CLMN: variants seen among roughly 807,000 people sequenced by gnomAD.
CLMN encodes calmin (calponin-like, transmembrane).
CLMN carries 57 observed loss-of-function variants against 92.7 expected under a neutral mutation model. That is an observed-to-expected ratio of 0.61 (90% CI 0.50 to 0.77). The LOEUF (loss-of-function observed/expected upper bound fraction) is 0.77. Ranked by LOEUF, CLMN falls within the 30% of genes least tolerant of loss-of-function variation. CLMN has a pLI of 0.00. For missense variants in CLMN, 1,158 were observed against 1,237.5 expected (o/e 0.94, Z 0.96); for synonymous variants, 466 against 470.6 (o/e 0.99, Z 0.13).
chr14:95,301,910 A>G (rs912920153), intron 1 of CLMN, among the ~76,000 whole-genome samples: 3 of 152,238 alleles, frequency 2.0e-5, no homozygotes, highest in Admixed American at 1.3e-4. Context: ...GAGTGCAGAC[A>G]CCAAGTCTGA....
At chr14:95,224,013 CT>C (rs1318999460) in intron 2 of CLMN, among the ~76,000 whole-genome samples, 158 bp from the exon 3 acceptor site, 4 of 152,222 alleles carry the variant, frequency 2.6e-5, no homozygotes, top group African/African-American at 7.2e-5. Context: ...GCCCATCCCC[CT>C]GGAAGTGATA....
intron 1 of CLMN, among the ~76,000 whole-genome samples, chr14:95,291,749 A>G (rs1900575550): frequency 6.6e-6 from 1 of 152,220 alleles, no homozygotes; most frequent in African/African-American, 2.4e-5. Flanking sequence ...TGAACGTGCA[A>G]GGAGGTTCAG....
intron 1 of CLMN, among the ~76,000 whole-genome samples, chr14:95,268,373 T>C (rs1400806487): frequency 1.4e-5 from 2 of 142,766 alleles, no homozygotes; most frequent in Non-Finnish European, 3.0e-5. Flanking sequence ...AATTATGCTA[T>C]GTAAAAAAAA....
rs935106781 is a variant in CLMN at position 95,203,274 on chromosome 14, C to CT, written c.2074dup (p.Ser692LysfsTer42). On this transcript the variant is annotated frameshift_variant, in exon 9 of 13. Transcript: ENST00000298912. LOFTEE classifies it high-confidence loss of function. Reference sequence around the variant, plus strand: ...AAGGGTCTCCAAGCTGACACAGCTGCTTGGGGGGCTGGAAGATAATTCCTC... The same window carrying CT: ...AAGGGTCTCCAAGCTGACACAGCTGCTTTGGGGGGCTGGAAGATAATTCCTC... 4 of 1,613,902 alleles carry CT rather than the reference C, an allele frequency of 2.5e-6. No homozygotes were observed. The highest frequency in any genetic ancestry group is 2.7e-5 in the African/African-American group (2 of 74,916).
chr14:95,229,862 A>G (rs1423531194), intron 2 of CLMN, among the ~76,000 whole-genome samples: 2 of 152,066 alleles, frequency 1.3e-5, no homozygotes, highest in East Asian at 3.9e-4. Context: ...TCCCCTGATA[A>G]GAATGATGAC....
rs776615537 is a variant in CLMN, at chr14:95,209,434, G to A, written c.846C>T (p.Tyr282=). Residue 282 remains tyrosine (Y), a synonymous_variant, in exon 8 of 13, where the codon TAC becomes TAT. Transcript: ENST00000298912. ...DTPDEQSIMT[Y]VAQFLERFPE... is the part of the protein sequence containing the mutation. ...GAAAACGTTCTAGAAACTGTGCCACGTAAGTCATGATAGACTGCTCGTCTG... is the reference window on the plus strand; with the variant it reads ...GAAAACGTTCTAGAAACTGTGCCACATAAGTCATGATAGACTGCTCGTCTG... 25 of 1,614,156 alleles carry A rather than the reference G, an allele frequency of 1.5e-5. No individual in the cohort carries two copies. Among genetic ancestry groups the A allele is most frequent in the Non-Finnish European group, 2.1e-5 (25 of 1,179,992 alleles).
chr14:95,214,344 CTTTTTTT>C (rs140176893), intron 5 of CLMN, among the ~76,000 whole-genome samples: 1 of 109,302 alleles, frequency 9.1e-6, no homozygotes. Context: ...GCTGCTGCTG[CTTTTTTT>C]TTTTTTTTTT....
intron 1 of CLMN, among the ~76,000 whole-genome samples, chr14:95,233,676 G>T (rs1243244655): frequency 2.6e-5 from 4 of 152,222 alleles, no homozygotes; most frequent in Admixed American, 6.5e-5. Flanking sequence ...GCTGAAGGCT[G>T]ACAGGAACTG....
chr14:95,270,333 G>T (rs984213240), intron 1 of CLMN, among the ~76,000 whole-genome samples: 4 of 152,042 alleles, frequency 2.6e-5, no homozygotes, highest in African/African-American at 9.7e-5. Flanking sequence ...AAAGCCCATA[G>T]CTCAGTGGTA....
intron 9 of CLMN, among the ~76,000 whole-genome samples, chr14:95,197,741 T>C (rs1365049372): frequency 1.3e-5 from 2 of 152,154 alleles, no homozygotes; most frequent in African/African-American, 4.8e-5. Context: ...AGCACGGTCA[T>C]TGTTGGAGCC....
In CLMN at chr14:95,294,890, C is replaced by G. The variant is rs549008814; in HGVS notation, c.82+24821G>C. 6.6e-6 allele frequency among the ~76,000 whole-genome samples: 1 copy of G among 152,358 alleles called. No homozygotes were observed. Among genetic ancestry groups the G allele is most frequent in the East Asian group, 1.9e-4 (1 of 5,184 alleles). On this transcript the variant is annotated intron_variant, in intron 1 of 12. Transcript: ENST00000298912. The surrounding 1 kb of genome is among the most constrained non-coding windows in gnomAD (Gnocchi z 4.2). The stretch of plus-strand genomic sequence containing the variant: ...TTAGCTGTGGTTTTGGCCAGGGCTG[C>G]ATTCTTCCACCTGGGCCCCCAGCTC...
intron 12 of CLMN, chr14:95,193,486 G>T: frequency 1.0e-6 from 1 of 972,048 alleles, no homozygotes; most frequent in Non-Finnish European, 1.5e-6. Flanking sequence ...AGCCTCACAA[G>T]ACCACCACCT....
intron 1 of CLMN, among the ~76,000 whole-genome samples, chr14:95,275,541 C>T (rs536714095): frequency 6.6e-6 from 1 of 152,332 alleles, no homozygotes; most frequent in Admixed American, 6.5e-5. Context: ...AAACTGCCCA[C>T]CCTTTCCTGA....
At chr14:95,297,381 T>A (rs965640226) in intron 1 of CLMN, among the ~76,000 whole-genome samples, 12 of 152,216 alleles carry the variant, frequency 7.9e-5, no homozygotes, top group African/African-American at 2.9e-4. Context: ...CTAATTTACA[T>A]ACATTTCAGC....
At chr14:95,271,842 G>A (rs1413636404) in intron 1 of CLMN, among the ~76,000 whole-genome samples, 1 of 152,204 alleles carries the variant, frequency 6.6e-6, no homozygotes, top group Non-Finnish European at 1.5e-5. Flanking sequence ...CCAAAGGTAT[G>A]CACTATCTTG....
At chr14:95,210,203 C>G (rs1398060436) in intron 7 of CLMN, among the ~76,000 whole-genome samples, 2 of 152,142 alleles carry the variant, frequency 1.3e-5, no homozygotes, top group African/African-American at 2.4e-5. Context: ...CAGACTGCGC[C>G]ACCACGCCCA....
At chr14:95,279,652 G>A (rs1420699601) in intron 1 of CLMN, among the ~76,000 whole-genome samples, 1 of 152,314 alleles carries the variant, frequency 6.6e-6, no homozygotes, top group African/African-American at 2.4e-5. Flanking sequence ...ACGTGGTGGC[G>A]GGCACCTGTG....
At chr14:95,263,993 C>T (rs1275766288) in intron 1 of CLMN, among the ~76,000 whole-genome samples, 1 of 151,696 alleles carries the variant, frequency 6.6e-6, no homozygotes, top group Non-Finnish European at 1.5e-5. Flanking sequence ...TACCTTATTA[C>T]TTTGCACCTT....
intron 1 of CLMN, among the ~76,000 whole-genome samples, chr14:95,245,265 A>T (rs1331094742): frequency 2.2e-5 from 1 of 45,370 alleles, no homozygotes; most frequent in Non-Finnish European, 3.5e-5. Context: ...ATATATATAT[A>T]TATATTATAT....
Sources: gnomAD v4.1 joint callset for allele counts (sites outside exome capture counted in the v4.1 genomes callset) on GRCh38, gnomAD v4.1.1 for gene constraint, Gnocchi (gnomAD v3.1) non-coding constraint, MANE v1.5 for transcripts, NCBI Gene and HGNC (gene_info 2026-07-23, HGNC 2026-07-21) for gene names.